Variants in FREM1 observed in about 807,000 individuals in gnomAD.
FREM1 encodes FRAS1-related extracellular matrix protein 1.
Under a neutral mutation model 210.1 loss-of-function variants are expected in FREM1, and 220 were observed. The observed-to-expected ratio is 1.05, with a 90% CI of 0.94 to 1.17. The LOEUF is 1.17. Among genes scored for constraint, FREM1 ranks in the 50% most tolerant of loss-of-function variants. The pLI, the probability that FREM1 is intolerant of heterozygous loss-of-function variation, is 0.00. For synonymous variants in FREM1, 1,189 were observed against 980.2 expected (o/e 1.21, Z -3.98); for missense variants, 3,454 against 2,675.5 (o/e 1.29, Z -6.42).
intron 10 of FREM1, among the ~76,000 whole-genome samples, chr9:14,830,379 A>T (rs927774327): frequency 1.3e-5 from 2 of 152,202 alleles, no homozygotes; most frequent in African/African-American, 4.8e-5. Context: ...GCAAGAGCCC[A>T]GCAATTGATT....
intron 30 of FREM1, among the ~76,000 whole-genome samples, 163 bp downstream of exon 30, chr9:14,749,964 A>G (rs1223927886): frequency 2.0e-5 from 3 of 152,212 alleles, no homozygotes; most frequent in Non-Finnish European, 4.4e-5. Flanking sequence ...AACCACATGA[A>G]GCAGAAACCA....
At chr9:14,817,031 A>G (rs1041040229) in intron 14 of FREM1, among the ~76,000 whole-genome samples, 160 bp from the exon 15 acceptor site, 1 of 152,238 alleles carries the variant, frequency 6.6e-6, no homozygotes, top group Admixed American at 6.5e-5. Flanking sequence ...CTGAAGTCAC[A>G]TATTTAACTA....
intron 5 of FREM1, among the ~76,000 whole-genome samples, chr9:14,856,716 C>G (rs1364815541): frequency 6.6e-6 from 1 of 151,884 alleles, no homozygotes; most frequent in African/African-American, 2.4e-5. Flanking sequence ...GCCTGTAGTC[C>G]CAGCTACTCG....
rs749244243 is a variant in FREM1 at position 14,859,427 on chromosome 9, T to A, written c.387A>T (p.Glu129Asp). ...TCATATGGATGATGTTACAGTCTGG[T>A]TCCAGGAGATAGACCCACAGGATAA... Reference protein sequence around the residue: ...ETFILWVYLLEPDCNIIHMSN... With the variant: ...ETFILWVYLLDPDCNIIHMSN... The change falls in exon 4 of 37, where the codon GAA (glutamate) becomes GAT (aspartate). Residue 129 changes from glutamate (E) to aspartate (D), a missense_variant. Physicochemically the swap from Glu to Asp is conservative, Grantham distance 45. Coordinates refer to ENST00000380880, the MANE Select transcript of FREM1 (RefSeq NM_001379081.2). The A allele has an allele frequency of 1.8e-5, 29 of 1,613,910 alleles. 1 individual carries two copies. In the Admixed American group the frequency reaches 4.7e-4, roughly 26 times the overall value.
chr9:14,851,771 G>C (rs1827805042), intron 5 of FREM1, among the ~76,000 whole-genome samples, 164 bp from the exon 6 acceptor site: 1 of 152,142 alleles, frequency 6.6e-6, no homozygotes, highest in African/African-American at 2.4e-5. Flanking sequence ...AACACATGCT[G>C]GTACCTAGGA....
At position 14,783,936 on chromosome 9, in the gene FREM1, A is replaced by G. The variant is rs185110145; in HGVS notation, c.4442+434T>C. Among the ~76,000 whole-genome samples the G allele has an allele frequency of 3.9e-5, 6 of 152,340 alleles. No homozygotes were observed. The East Asian group carries it at 9.6e-4, about 24-fold the overall frequency. ...TTACTAATAAATCCCTTTTCGTCAG[A>G]CAGAAAAACATACTCCAAAAAGAGG... On this transcript the variant is annotated intron_variant, in intron 24 of 36. Coordinates refer to ENST00000380880, the MANE Select transcript of FREM1 (RefSeq NM_001379081.2).
At chr9:14,849,485 G>C (rs971462508) in intron 6 of FREM1, among the ~76,000 whole-genome samples, 8 of 152,314 alleles carry the variant, frequency 5.3e-5, no homozygotes, top group African/African-American at 1.9e-4. Flanking sequence ...TGTTGACAGA[G>C]AAGAATGAGG....
rs140751245 is a variant in FREM1 at position 14,809,193 on chromosome 9, G to A, written c.2894-1059C>T. The stretch of plus-strand genomic sequence containing the variant: ...GCTCTCTTTGCTTGCTGCCATCCAT[G>A]TAAGAGGTGACTTGCTCCTCCTTGC... On this transcript the variant is annotated intron_variant, in intron 16 of 36. Transcript: ENST00000380880. Among the ~76,000 whole-genome samples, 4 of 152,310 alleles carry A rather than the reference G, an allele frequency of 2.6e-5. No homozygotes were observed. In the East Asian group the frequency reaches 7.7e-4, roughly 29 times the overall value.
intron 23 of FREM1, among the ~76,000 whole-genome samples, chr9:14,785,390 C>T (rs1049998681): frequency 7.9e-5 from 12 of 152,032 alleles, no homozygotes; most frequent in East Asian, 1.9e-4. Context: ...TTCTGGAGAA[C>T]GTAGGAAGAT....
intron 28 of FREM1, 86 bp downstream of exon 28, chr9:14,759,686 C>A: frequency 7.7e-7 from 1 of 1,305,088 alleles, no homozygotes; most frequent in South Asian, 1.8e-5. Context: ...CTTGGTCACT[C>A]TGAATTTTTC....
At chr9:14,873,928 C>T (rs934497327) in intron 1 of FREM1, among the ~76,000 whole-genome samples, 16 of 152,166 alleles carry the variant, frequency 1.1e-4, no homozygotes, top group African/African-American at 3.6e-4. Context: ...GTTATGTACC[C>T]AGTAGTCATT....
At chr9:14,834,524 G>A (rs980872789) in intron 10 of FREM1, among the ~76,000 whole-genome samples, 1 of 152,118 alleles carries the variant, frequency 6.6e-6, no homozygotes. Context: ...GTAAAATTTA[G>A]CTTTAAACCG....
chr9:14,847,455 AGGGT>A (rs1826897818), intron 7 of FREM1, among the ~76,000 whole-genome samples: 4 of 13,200 alleles, frequency 3.0e-4, no homozygotes, highest in African/African-American at 7.7e-4. Context: ...GGAGGGAGGG[AGGGT>A]GGGAGGGAGA....
chr9:14,835,676 A>G (rs761265159), intron 10 of FREM1, among the ~76,000 whole-genome samples: 6 of 152,232 alleles, frequency 3.9e-5, no homozygotes, highest in Admixed American at 6.5e-5. Flanking sequence ...CTCGGCTTTA[A>G]AAGTCTTACC....
rs1842844405 is a variant in FREM1, at chr9:14,748,573, T to C, written c.5624A>G (p.His1875Arg). The change falls in exon 31 of 37, where the codon CAT becomes CGT. Residue 1875 changes from histidine to arginine, a missense_variant. Physicochemically the swap from His to Arg is conservative, Grantham distance 29. Transcript: ENST00000380880. ...KHSTWEKGIW[H>R]LLPPGSSSST... is the part of the protein sequence containing the mutation. ...TGAGGAAGACCCTGGGGGCAGCAGATGCCAAATGCCCTTCTCCCATGTGCT... is the reference window on the plus strand; with the variant it reads ...TGAGGAAGACCCTGGGGGCAGCAGACGCCAAATGCCCTTCTCCCATGTGCT... 3 of 1,613,950 alleles carry C rather than the reference T, an allele frequency of 1.9e-6. No individual in the cohort carries two copies. The highest frequency in any genetic ancestry group is 2.7e-5 in the African/African-American group (2 of 75,056).
At position 14,806,686 on chromosome 9, in the gene FREM1, T is replaced by G. The variant is rs1818436306; in HGVS notation, c.3249A>C (p.Glu1083Asp). 6.3e-7 allele frequency: 1 copy of G among 1,599,918 alleles called. No homozygotes were observed. The highest frequency in any genetic ancestry group is 8.5e-7 in the Non-Finnish European group (1 of 1,172,502). The change falls in exon 18 of 37, where the codon GAA becomes GAC. Residue 1083 changes from glutamate to aspartate, a missense_variant. Glu to Asp is a conservative substitution (Grantham distance 45, BLOSUM62 2). Coordinates refer to ENST00000380880, the MANE Select transcript of FREM1 (RefSeq NM_001379081.2). ...CTATACTTATGCCAATATTGCTTTT[T>G]TCAAAACCCACAGAAGGGAGTATAT... ...LENILPSVGF[E>D]KSNIGISIDS...
Position 14,746,420 on chromosome 9 carries a change from A to T in FREM1, c.6187T>A (p.Tyr2063Asn). 1 of 1,613,936 alleles carries T rather than the reference A, an allele frequency of 6.2e-7. No homozygotes were observed. Among genetic ancestry groups the T allele is most frequent in the South Asian group, 1.1e-5 (1 of 91,078 alleles). Residue 2063 changes from tyrosine (Y) to asparagine (N), a missense_variant, in exon 35 of 37, where the codon TAC becomes AAC. Coordinates refer to ENST00000380880, the MANE Select transcript of FREM1 (RefSeq NM_001379081.2). ...TGCTCTGTGATCAAGATGTGACAGT[A>T]GCCTGAGTGCTGGTGCCACCCGGCT... is the stretch of plus-strand genomic sequence containing the variant. Reference protein sequence around the residue: ...CPAGWHQHSGYCHILITEQKG... With the variant: ...CPAGWHQHSGNCHILITEQKG...
chr9:14,874,997 C>G (rs981114545), intron 1 of FREM1, among the ~76,000 whole-genome samples: 4 of 152,156 alleles, frequency 2.6e-5, no homozygotes, highest in Admixed American at 6.6e-5. Flanking sequence ...ATATTGGCCC[C>G]CACTCTCTTC....
At chr9:14,764,242 T>G (rs1028282034) in intron 27 of FREM1, among the ~76,000 whole-genome samples, 11 of 152,220 alleles carry the variant, frequency 7.2e-5, no homozygotes, top group African/African-American at 2.4e-4. Flanking sequence ...CCCAACTATT[T>G]GAAACTATGA....
Sources: gnomAD v4.1 joint callset for allele counts (sites outside exome capture counted in the v4.1 genomes callset) on GRCh38, gnomAD v4.1.1 for gene constraint, MANE v1.5 for transcripts, NCBI Gene and HGNC (gene_info 2026-07-23, HGNC 2026-07-21) for gene names.